PRKN: variants seen among roughly 807,000 people sequenced by gnomAD.
The protein encoded by PRKN is E3 ubiquitin-protein ligase parkin.
A neutral mutation model predicts 59.5 loss-of-function variants in PRKN; 56 were observed. That is an observed-to-expected ratio of 0.94 (90% CI 0.76 to 1.18). PRKN has a LOEUF of 1.18. Ranked by LOEUF, PRKN falls within the 50% of genes most tolerant of loss-of-function variation. PRKN has a pLI of 0.00. For missense variants in PRKN, 657 were observed against 596.4 expected (o/e 1.10, Z -1.06); for synonymous variants, 250 against 222.1 (o/e 1.13, Z -1.12).
At chr6:162,481,389 A>G (rs772199389) in intron 1 of PRKN, among the ~76,000 whole-genome samples, 12 of 152,224 alleles carry the variant, frequency 7.9e-5, no homozygotes, top group Non-Finnish European at 4.4e-5. Flanking sequence ...TTGCTGATAC[A>G]TTTTAAGGTT....
intron 2 of PRKN, among the ~76,000 whole-genome samples, chr6:162,400,680 C>T (rs1484916118): frequency 1.3e-5 from 2 of 152,024 alleles, no homozygotes; most frequent in Admixed American, 6.6e-5. Context: ...AAAACAACAG[C>T]ATTTCTTTAA....
rs1554275141 is a variant in PRKN, at chr6:161,550,723, ATGTGTGTGTGTGCACG to A, written c.934-1736_934-1721del. On this transcript the variant is annotated intron_variant, in intron 8 of 11. Coordinates refer to ENST00000366898, the MANE Select transcript of PRKN (RefSeq NM_004562.3). This position sits in a 1 kb window ranked among gnomAD's most constrained non-coding sequence, Gnocchi z 4.0. ...GGACAACTGTGGTAGAAGAAAGGGT[ATGTGTGTGTGTGCACG>A]TGTGTGTGTGTGTGTGTGTGTGTAG... Among the ~76,000 whole-genome samples, 2 of 119,350 alleles carry A rather than the reference ATGTGTGTGTGTGCACG, an allele frequency of 1.7e-5. No homozygotes were observed. The highest frequency in any genetic ancestry group is 2.2e-4 in the East Asian group (1 of 4,524). The allele number at this position is 119,350 out of a possible 152,430, so 78.3% of individuals were successfully genotyped here.
intron 1 of PRKN, among the ~76,000 whole-genome samples, chr6:162,705,635 T>C (rs1010372344): frequency 4.6e-5 from 7 of 152,178 alleles, no homozygotes; most frequent in Non-Finnish European, 7.3e-5. Context: ...GAAATTAAAA[T>C]AATGCATTTA....
intron 7 of PRKN, among the ~76,000 whole-genome samples, chr6:161,709,747 TCA>T (rs1376068468): frequency 6.6e-6 from 1 of 152,188 alleles, no homozygotes; most frequent in Admixed American, 6.5e-5. Flanking sequence ...CCAAATAACC[TCA>T]GAGTTTCCAT....
chr6:162,601,144 C>T (rs1781692065), intron 1 of PRKN, among the ~76,000 whole-genome samples: 4 of 152,088 alleles, frequency 2.6e-5, no homozygotes, highest in Admixed American at 2.6e-4. Context: ...GTGAAGGGCA[C>T]ACATGTCAAG....
chr6:162,296,640 T>G (rs149552013), intron 2 of PRKN, among the ~76,000 whole-genome samples: 14 of 152,254 alleles, frequency 9.2e-5, no homozygotes, highest in Middle Eastern at 3.4e-3. Context: ...ATGAACGCAC[T>G]TTAAAAACAT....
At chr6:162,154,215 G>C (rs950898255) in intron 4 of PRKN, among the ~76,000 whole-genome samples, 3 of 152,144 alleles carry the variant, frequency 2.0e-5, no homozygotes, top group African/African-American at 7.2e-5. Context: ...CATCGCCTCT[G>C]CATTTCCTGT....
intron 2 of PRKN, among the ~76,000 whole-genome samples, chr6:162,300,113 C>A (rs1261853637): frequency 2.0e-5 from 3 of 152,086 alleles, no homozygotes; most frequent in Non-Finnish European, 4.4e-5. Flanking sequence ...ATTTATGAAA[C>A]TATCTACTCT....
In PRKN at chr6:162,060,624, A is replaced by C. The variant is rs1241631254; in HGVS notation, c.535-6450T>G. ...GGAAAATTGAAGTATGTAACTGACT[A>C]TTTCATATCCAAATATTATTCAGAC... On this transcript the variant is annotated intron_variant, in intron 4 of 11. Coordinates refer to ENST00000366898, the MANE Select transcript of PRKN (RefSeq NM_004562.3). Among the ~76,000 whole-genome samples the C allele has an allele frequency of 4.6e-5, 7 of 152,334 alleles. No homozygotes were observed. In the East Asian group the frequency reaches 1.4e-3, roughly 29 times the overall value.
In PRKN at chr6:161,579,318, C is replaced by T. The variant is rs1781251566; in HGVS notation, c.872-9902G>A. ...AACCAAAAAGGGCACTTAGGTTAGG[C>T]ACATCCCTGTCAGATAAGGCCTAGT... On this transcript the variant is annotated intron_variant, in intron 7 of 11. Transcript: ENST00000366898. The surrounding 1 kb of genome is among the most constrained non-coding windows in gnomAD (Gnocchi z 4.2). 6.6e-6 allele frequency among the ~76,000 whole-genome samples: 1 copy of T among 152,170 alleles called. No homozygotes were observed. The highest frequency in any genetic ancestry group is 1.5e-5 in the Non-Finnish European group (1 of 68,032).
At chr6:161,618,256 T>C (rs551279352) in intron 7 of PRKN, among the ~76,000 whole-genome samples, 91 of 152,348 alleles carry the variant, frequency 6.0e-4, no homozygotes, top group African/African-American at 2.1e-3. Flanking sequence ...CAACTGCTGC[T>C]TTGAGAAAAG....
At chr6:161,978,750 T>C (rs1184387299) in intron 5 of PRKN, among the ~76,000 whole-genome samples, 1 of 152,236 alleles carries the variant, frequency 6.6e-6, no homozygotes, top group African/African-American at 2.4e-5. Flanking sequence ...TCTCCAGCTG[T>C]GCTGAGCGAC....
intron 6 of PRKN, among the ~76,000 whole-genome samples, chr6:161,792,364 C>T (rs2128208299): frequency 6.6e-6 from 1 of 152,216 alleles, no homozygotes; most frequent in South Asian, 2.1e-4. Context: ...GTCAGGATTC[C>T]AGTGCATAAA....
chr6:162,381,848 G>A (rs932846527), intron 2 of PRKN, among the ~76,000 whole-genome samples: 62 of 151,906 alleles, frequency 4.1e-4, no homozygotes, highest in African/African-American at 1.1e-3. Flanking sequence ...TCCACATTAC[G>A]TCCTTAGACT....
At chr6:162,664,821 A>G (rs966003651) in intron 1 of PRKN, among the ~76,000 whole-genome samples, 3 of 151,914 alleles carry the variant, frequency 2.0e-5, no homozygotes, top group Non-Finnish European at 2.9e-5. Context: ...ATTTTCTCCC[A>G]TTCTCTAGGT....
intron 7 of PRKN, among the ~76,000 whole-genome samples, chr6:161,698,483 G>C (rs1242612657): frequency 1.3e-5 from 2 of 152,136 alleles, no homozygotes; most frequent in Non-Finnish European, 2.9e-5. Flanking sequence ...TAAAGTTTAT[G>C]TGGAAGGGCA....
At chr6:162,169,481 A>G (rs1430512580) in intron 4 of PRKN, among the ~76,000 whole-genome samples, 1 of 137,222 alleles carries the variant, frequency 7.3e-6, no homozygotes, top group East Asian at 2.0e-4. Context: ...AAAATTTATC[A>G]CATGTTATGT....
At position 162,304,520 on chromosome 6, in the gene PRKN, T is replaced by TATC. The variant is rs1175406029; in HGVS notation, c.172-41758_172-41756dup. Among the ~76,000 whole-genome samples the TATC allele has an allele frequency of 2.5e-3, 360 of 143,446 alleles. 17 individuals carry two copies. The highest frequency in any genetic ancestry group is 8.8e-3 in the African/African-American group (339 of 38,468). 94.1% of individuals were successfully genotyped at this position (143,446 alleles called of 152,430 possible). On this transcript the variant is annotated intron_variant, in intron 2 of 11. Coordinates refer to ENST00000366898, the MANE Select transcript of PRKN (RefSeq NM_004562.3). ...CTATCTATCTATCTATCTATCTATC[T>TATC]ATCTATCTATCTATCTATCTATCTA... is the stretch of plus-strand genomic sequence containing the variant.
chr6:162,410,917 T>C (rs979642020), intron 2 of PRKN, among the ~76,000 whole-genome samples: 5 of 152,332 alleles, frequency 3.3e-5, no homozygotes, highest in African/African-American at 9.6e-5. Flanking sequence ...AATGATACTT[T>C]AGCTTATTTC....
Sources: gnomAD v4.1 joint callset for allele counts (sites outside exome capture counted in the v4.1 genomes callset) on GRCh38, gnomAD v4.1.1 for gene constraint, Gnocchi (gnomAD v3.1) non-coding constraint, MANE v1.5 for transcripts, NCBI Gene and HGNC (gene_info 2026-07-23, HGNC 2026-07-21) for gene names.